Variants in NISCH observed in about 807,000 individuals in gnomAD.
NISCH encodes nischarin, also known as I-1 receptor candidate protein.
A neutral mutation model predicts 138.4 loss-of-function variants in NISCH; 55 were observed. The observed-to-expected ratio is 0.40, with a 90% CI of 0.32 to 0.50. The LOEUF (loss-of-function observed/expected upper bound fraction) is 0.50. Among genes scored for constraint, NISCH ranks in the 20% least tolerant of loss-of-function variants. The pLI is 0.71. For synonymous variants in NISCH, 860 were observed against 861.5 expected (o/e 1.00, Z 0.03); for missense variants, 1,643 against 2,005.5 (o/e 0.82, Z 3.45).
At chr3:52,472,117 T>C in intron 5 of NISCH, 140 bp downstream of exon 5, 1 of 1,067,360 alleles carries the variant, frequency 9.4e-7, no homozygotes, top group Non-Finnish European at 1.4e-6. Flanking sequence ...TTCTTGGCAC[T>C]ATGCTTCTGG....
chr3:52,455,928 C>T (rs867065072), intron 1 of NISCH, among the ~76,000 whole-genome samples, 194 bp downstream of exon 1: 6 of 130,512 alleles, frequency 4.6e-5, no homozygotes, highest in African/African-American at 1.4e-4. Flanking sequence ...AAGGGTTGCT[C>T]GGGGCCCGGG....
In NISCH at chr3:52,488,361, C is replaced by G; in HGVS notation, c.2869C>G (p.Arg957Gly). Residue 957 changes from arginine (R) to glycine (G), a missense_variant, in exon 16 of 21, where the codon CGC (arginine) becomes GGC (glycine). Transcript: ENST00000345716. ...CTCCACCGTGCTGCTGGACCCCACA[C>G]GCAGCTGTACCCAGCCTCGGGGCGC... is the stretch of plus-strand genomic sequence containing the variant. ...PLSTVLLDPT[R>G]SCTQPRGAFA... 1 of 1,613,722 alleles carries G rather than the reference C, an allele frequency of 6.2e-7. No homozygotes were observed. Among genetic ancestry groups the G allele is most frequent in the Non-Finnish European group, 8.5e-7 (1 of 1,180,006 alleles).
chr3:52,462,251 C>G (rs900731639), intron 3 of NISCH, among the ~76,000 whole-genome samples: 1 of 152,232 alleles, frequency 6.6e-6, no homozygotes, highest in Non-Finnish European at 1.5e-5. Context: ...AGCCATAGCA[C>G]TGTTGACATT....
chr3:52,486,965 G>T (rs569941675), intron 15 of NISCH, among the ~76,000 whole-genome samples: 1 of 152,346 alleles, frequency 6.6e-6, no homozygotes, highest in South Asian at 2.1e-4. Flanking sequence ...TATGGTCCAA[G>T]CCCCTAGAAG....
At chr3:52,477,934 A>G in intron 9 of NISCH, 163 bp from the exon 10 acceptor site, 1 of 762,464 alleles carries the variant, frequency 1.3e-6, no homozygotes, top group Non-Finnish European at 2.2e-6. Flanking sequence ...GTGCTGTGGC[A>G]TGTGCGGCAG....
chr3:52,456,831 A>C (rs1367411597), intron 1 of NISCH, among the ~76,000 whole-genome samples: 1 of 152,156 alleles, frequency 6.6e-6, no homozygotes, highest in African/African-American at 2.4e-5. Context: ...AGGAGGGGGA[A>C]ACTAGGTGCA....
At chr3:52,485,648 A>G (rs1707382340) in intron 14 of NISCH, 130 bp from the exon 15 acceptor site, 3 of 987,462 alleles carry the variant, frequency 3.0e-6, no homozygotes, top group Admixed American at 2.1e-5. Flanking sequence ...TCCAGGGTAC[A>G]GCGTGGGGAT....
intron 3 of NISCH, among the ~76,000 whole-genome samples, chr3:52,464,593 C>T (rs556799979): frequency 3.2e-5 from 4 of 125,394 alleles, no homozygotes; most frequent in East Asian, 5.2e-4. Flanking sequence ...GGCGTGATCT[C>T]GACTCACTGC....
intron 8 of NISCH, 70 bp downstream of exon 8, chr3:52,476,669 C>G (rs1372701043): frequency 1.3e-6 from 2 of 1,531,144 alleles, no homozygotes; most frequent in Admixed American, 3.4e-5. Context: ...GTATTTAACT[C>G]AGCTTTTTTA....
chr3:52,456,020 AG>A (rs562620934), intron 1 of NISCH, among the ~76,000 whole-genome samples: 1,067 of 35,344 alleles, frequency 0.03, 13 homozygotes, highest in African/African-American at 0.1. Context: ...GGGCTTGGGG[AG>A]GGGGGTGTCT....
chr3:52,482,587 A>G (rs1007585066), intron 13 of NISCH, among the ~76,000 whole-genome samples: 2 of 152,186 alleles, frequency 1.3e-5, no homozygotes, highest in African/African-American at 2.4e-5. Flanking sequence ...CATTGATTCT[A>G]AGAGGCACGC....
chr3:52,483,926 A>G (rs1707342206), intron 13 of NISCH, among the ~76,000 whole-genome samples: 1 of 152,256 alleles, frequency 6.6e-6, no homozygotes, highest in Admixed American at 6.5e-5. Context: ...GCCAGGCCAC[A>G]CAGTCAGTCT....
chr3:52,472,109 C>T, intron 5 of NISCH, 132 bp downstream of exon 5: 2 of 1,088,176 alleles, frequency 1.8e-6, no homozygotes, highest in Non-Finnish European at 2.6e-6. Context: ...CCCGGTTATT[C>T]TTGGCACTAT....
chr3:52,481,359 G>A (rs1469731927), intron 13 of NISCH: 4 of 990,848 alleles, frequency 4.0e-6, no homozygotes, highest in Non-Finnish European at 4.8e-6. Flanking sequence ...ACACCTGTGA[G>A]ATGTGGAAGA....
chr3:52,487,597 T>C lies in NISCH; in HGVS notation c.2105T>C (p.Leu702Pro). 1 of 1,613,856 alleles carries C rather than the reference T, an allele frequency of 6.2e-7. No homozygotes were observed. Among genetic ancestry groups the C allele is most frequent in the Non-Finnish European group, 8.5e-7 (1 of 1,179,920 alleles). The stretch of plus-strand genomic sequence containing the variant: ...CTGGGCGCGGACGAGGACTTCCTGC[T>C]GGAGCACATCCGCATCCTCAAGGTG... The part of the protein sequence containing the change: ...WALGADEDFL[L>P]EHIRILKVLW... The change falls in exon 16 of 21, where the codon CTG (leucine) becomes CCG (proline). Residue 702 changes from leucine (L) to proline (P), a missense_variant. Coordinates refer to ENST00000345716, the MANE Select transcript of NISCH (RefSeq NM_007184.4). The surrounding 1 kb of genome is among the most constrained non-coding windows in gnomAD (Gnocchi z 9.1).
At chr3:52,481,673 G>C in intron 13 of NISCH, 1 of 985,546 alleles carries the variant, frequency 1.0e-6, no homozygotes, top group Non-Finnish European at 1.2e-6. Flanking sequence ...GGTAGAGCAG[G>C]AGCCAGTGAA....
chr3:52,489,461 C>T lies in NISCH; in HGVS notation c.3239C>T (p.Ala1080Val), dbSNP rs1578313642. 6.2e-7 allele frequency: 1 copy of T among 1,600,976 alleles called. No homozygotes were observed. Among genetic ancestry groups the T allele is most frequent in the Non-Finnish European group, 8.6e-7 (1 of 1,168,860 alleles). Residue 1080 changes from alanine to valine, a missense_variant, in exon 17 of 21, where the codon GCC becomes GTC. By Grantham distance (64) the Ala-to-Val change is moderately conservative. Transcript: ENST00000345716. Reference sequence around the variant, plus strand: ...GCGAAGACTCCGGCCCCAGCAGAGGCCTCAACTTCAGCTTTGGTCCCAGAG... The same window carrying T: ...GCGAAGACTCCGGCCCCAGCAGAGGTCTCAACTTCAGCTTTGGTCCCAGAG... ...GPAKTPAPAE[A>V]STSALVPEET...
Position 52,487,894 on chromosome 3 carries a change from A to C in NISCH, c.2402A>C (p.His801Pro). 6.2e-7 allele frequency: 1 copy of C among 1,611,846 alleles called. No homozygotes were observed. The highest frequency in any genetic ancestry group is 2.2e-5 in the East Asian group (1 of 44,862). Residue 801 changes from histidine to proline, a missense_variant, in exon 16 of 21, where the codon CAC becomes CCC. His to Pro is a moderately conservative substitution (Grantham distance 77). Coordinates refer to ENST00000345716, the MANE Select transcript of NISCH (RefSeq NM_007184.4). The surrounding 1 kb of genome is among the most constrained non-coding windows in gnomAD (Gnocchi z 9.1). Reference protein sequence around the residue: ...LFIISDAANLHEFHADLRSCF... With the variant: ...LFIISDAANLPEFHADLRSCF... ...ATTATCTCGGACGCCGCCAACCTGC[A>C]CGAGTTCCACGCGGACCTGCGCTCA... is the stretch of plus-strand genomic sequence containing the variant.
chr3:52,461,801 T>A (rs1363227997), intron 3 of NISCH, among the ~76,000 whole-genome samples: 1 of 150,130 alleles, frequency 6.7e-6, no homozygotes. Context: ...AGGCAGAGCT[T>A]GCAGTGAGCC....
Sources: allele counts gnomAD v4.1 joint callset (sites outside exome capture counted in the v4.1 genomes callset), GRCh38; gene constraint gnomAD v4.1.1; non-coding constraint Gnocchi (gnomAD v3.1); transcripts MANE v1.5; gene names NCBI Gene and HGNC (gene_info 2026-07-23, HGNC 2026-07-21).